HEATR5A: variants seen among roughly 807,000 people sequenced by gnomAD.
HEATR5A encodes the protein HEAT repeat containing 5A.
Under a neutral mutation model 218.8 loss-of-function variants are expected in HEATR5A, and 178 were observed. The ratio of observed to expected loss-of-function variants is 0.81; its 90% CI spans 0.72 to 0.92. The LOEUF (loss-of-function observed/expected upper bound fraction) is 0.92, where lower values mean the gene tolerates loss of function less well. Ranked by LOEUF, HEATR5A falls within the 40% of genes least tolerant of loss-of-function variation. HEATR5A has a pLI of 0.00. For missense variants in HEATR5A, 2,420 were observed against 2,418.9 expected, an observed-to-expected ratio of 1.00 and a Z score of -0.01; for synonymous variants, 864 against 871.6, an observed-to-expected ratio of 0.99 and a Z score of 0.15.
At chr14:31,372,462 T>C (rs1902072760) in intron 12 of HEATR5A, among the ~76,000 whole-genome samples, 1 of 152,142 alleles carries the variant, frequency 6.6e-6, no homozygotes, top group Non-Finnish European at 1.5e-5. Flanking sequence ...GATTATAGGA[T>C]TGAGACATGG....
At position 31,364,194 on chromosome 14, in the gene HEATR5A, T is replaced by C. The variant is rs571223425; in HGVS notation, c.2066A>G (p.Tyr689Cys). ...TTTTGGTCTAAGGCACATACCTTCATAGGTCTCAGGAGGTAATAAAATCAA... is the reference window on the plus strand; with the variant it reads ...TTTTGGTCTAAGGCACATACCTTCACAGGTCTCAGGAGGTAATAAAATCAA... The part of the protein sequence containing the change: ...ELLILLPPET[Y>C]EGNLCAILRE... The change falls in exon 14 of 36, where the codon TAT becomes TGT. Residue 689 changes from tyrosine to cysteine, a missense_variant. Tyr to Cys is a radical substitution (Grantham distance 194). Coordinates refer to ENST00000543095, the MANE Select transcript of HEATR5A (RefSeq NM_015473.4). The C allele has an allele frequency of 1.4e-5, 20 of 1,467,114 alleles. No homozygotes were observed. The highest frequency in any genetic ancestry group is 2.1e-5 in the Admixed American group (1 of 47,074). 90.9% of individuals were successfully genotyped at this position (1,467,114 alleles called of 1,614,324 possible). A position where few individuals can be genotyped will look rare whatever the true frequency, so the allele number is the denominator to read the frequency against.
rs141835198 is a variant in HEATR5A, at chr14:31,368,577, G to C, written c.1961+3233C>G. Among the ~76,000 whole-genome samples the C allele has an allele frequency of 9.9e-3, 1,505 of 152,224 alleles. 19 individuals are homozygous for C. Among genetic ancestry groups the C allele is most frequent in the African/African-American group, 0.034 (1,429 of 41,536 alleles). ...AACTGGGGTCTCACTCTGTCATCCA[G>C]GCTGGAGAGCAGTGGCGCAATCAAG... On this transcript the variant is annotated intron_variant, in intron 13 of 35. Transcript: ENST00000543095.
At chr14:31,363,921 A>T (rs995493166) in intron 14 of HEATR5A, among the ~76,000 whole-genome samples, 7 of 152,176 alleles carry the variant, frequency 4.6e-5, no homozygotes, top group Non-Finnish European at 1.0e-4. Context: ...GAAGTGAGCC[A>T]TGATTGCATA....
intron 1 of HEATR5A, among the ~76,000 whole-genome samples, chr14:31,408,685 C>T (rs959511749): frequency 1.3e-5 from 2 of 151,744 alleles, no homozygotes; most frequent in Non-Finnish European, 2.9e-5. Context: ...GCATAGTATT[C>T]TTTCCTTTCG....
At chr14:31,351,435 G>A (rs1044702883) in intron 16 of HEATR5A, among the ~76,000 whole-genome samples, 3 of 151,158 alleles carry the variant, frequency 2.0e-5, no homozygotes, top group Admixed American at 2.0e-4. Flanking sequence ...CAAGGTTACA[G>A]TGAGCTATGA....
At chr14:31,371,765 A>T in intron 13 of HEATR5A, 45 bp downstream of exon 13, 1 of 918,860 alleles carries the variant, frequency 1.1e-6, no homozygotes, top group Non-Finnish European at 1.6e-6. Flanking sequence ...AAGGAATATT[A>T]CATAATCAGA....
At position 31,341,676 on chromosome 14, in the gene HEATR5A, G is replaced by T. The variant is rs547312147; in HGVS notation, c.3228+2220C>A. ...GACCTCCCAAAGCGCTGGAACTACA[G>T]GTATGAGCCATTGTGCCCAGCTGAT... On this transcript the variant is annotated intron_variant, in intron 21 of 35. Transcript: ENST00000543095. Among the ~76,000 whole-genome samples, 10 of 152,216 alleles carry T rather than the reference G, an allele frequency of 6.6e-5. No individual in the cohort carries two copies. In the South Asian group the frequency reaches 2.1e-3, roughly 32 times the overall value.
At chr14:31,396,768 T>A (rs548870061) in intron 4 of HEATR5A, among the ~76,000 whole-genome samples, 1 of 152,252 alleles carries the variant, frequency 6.6e-6, no homozygotes, top group East Asian at 1.9e-4. Context: ...ATCAACTAAA[T>A]CAAAGATCAA....
chr14:31,405,059 C>CAAAAAAA (rs386381028), intron 1 of HEATR5A, among the ~76,000 whole-genome samples: 2 of 97,886 alleles, frequency 2.0e-5, no homozygotes, highest in Non-Finnish European at 1.9e-5. Context: ...CTGTCTCCAC[C>CAAAAAAA]AAAAAAAAAA....
rs759945817 is a variant in HEATR5A at position 31,295,868 on chromosome 14, A to G, written c.5619+41T>C. On this transcript the variant is annotated intron_variant, in intron 34 of 35. Coordinates refer to ENST00000543095, the MANE Select transcript of HEATR5A (RefSeq NM_015473.4). Reference sequence around the variant, plus strand: ...CAGAAAATTTTCTAAAGGCCTAGCCATTGTCCTATTACATACATCTTTCTG... The same window carrying G: ...CAGAAAATTTTCTAAAGGCCTAGCCGTTGTCCTATTACATACATCTTTCTG... 1.3e-5 allele frequency: 20 copies of G among 1,563,958 alleles called. No individual in the cohort carries two copies. In the South Asian group the frequency reaches 1.6e-4, roughly 13 times the overall value.
At chr14:31,355,043 A>G (rs551724817) in intron 16 of HEATR5A, among the ~76,000 whole-genome samples, 2 of 152,348 alleles carry the variant, frequency 1.3e-5, no homozygotes, top group South Asian at 4.1e-4. Context: ...TCCAATGTGC[A>G]AGTCAGGGGT....
intron 2 of HEATR5A, among the ~76,000 whole-genome samples, chr14:31,402,568 C>T (rs999570091): frequency 3.9e-5 from 6 of 152,112 alleles, no homozygotes; most frequent in Non-Finnish European, 7.4e-5. Context: ...ATAACAAAAA[C>T]GAAGTATAAT....
rs8017721 is a variant in HEATR5A at position 31,376,751 on chromosome 14, G to A, written c.1709-1783C>T. 1.8e-3 allele frequency among the ~76,000 whole-genome samples: 271 copies of A among 152,202 alleles called. 1 individual carries two copies. The highest frequency in any genetic ancestry group is 6.2e-3 in the African/African-American group (258 of 41,536). The stretch of plus-strand genomic sequence containing the variant: ...TGAAATAATGAAGAAAATTATAAAT[G>A]GTAAAGGGAATGAAAAAAACAGAGA... On this transcript the variant is annotated intron_variant, in intron 11 of 35. Coordinates refer to ENST00000543095, the MANE Select transcript of HEATR5A (RefSeq NM_015473.4).
At position 31,358,792 on chromosome 14, in the gene HEATR5A, A is replaced by G. The variant is rs548099019; in HGVS notation, c.2256T>C (p.Val752=). 4 of 1,613,912 alleles carry G rather than the reference A, an allele frequency of 2.5e-6. No individual in the cohort carries two copies. The South Asian group carries it at 4.4e-5, about 18-fold the overall frequency. ...IEEQLLLGNG[V]ACGSLEYDPY... is the part of the protein sequence containing the mutation. Reference sequence around the variant, plus strand: ...GGTCATATTCAAGACTTCCGCAAGCAACACCATTACCAAGCAGGAGCTAAA... The same window carrying G: ...GGTCATATTCAAGACTTCCGCAAGCGACACCATTACCAAGCAGGAGCTAAA... The change falls in exon 16 of 36, where the codon GTT becomes GTC. Residue 752 remains valine, a synonymous_variant. Transcript: ENST00000543095.
intron 21 of HEATR5A, among the ~76,000 whole-genome samples, chr14:31,339,625 C>G (rs183871377): frequency 2.6e-5 from 4 of 151,556 alleles, no homozygotes; most frequent in Admixed American, 1.3e-4. Context: ...GCTCTGTTAC[C>G]CAGGATAGAG....
At position 31,321,737 on chromosome 14, in the gene HEATR5A, G is replaced by A. The variant is rs1900115047; in HGVS notation, c.3788-57C>T. On this transcript the variant is annotated intron_variant, in intron 24 of 35. Coordinates refer to ENST00000543095, the MANE Select transcript of HEATR5A (RefSeq NM_015473.4). ...AAAGATTAGAAAATATCAAAAAAATGTGCTGGAACTAAGACTTACATTAAG... is the reference window on the plus strand; with the variant it reads ...AAAGATTAGAAAATATCAAAAAAATATGCTGGAACTAAGACTTACATTAAG... 3.1e-6 allele frequency: 4 copies of A among 1,309,144 alleles called. No individual in the cohort carries two copies. The East Asian group carries it at 7.6e-5, about 25-fold the overall frequency. The allele number at this position is 1,309,144 out of a possible 1,614,324, so 81.1% of individuals were successfully genotyped here. A position where few individuals can be genotyped will look rare whatever the true frequency, so the allele number is the denominator to read the frequency against.
rs1899097000 is a variant in HEATR5A at position 31,293,987 on chromosome 14, C to T, written c.5737G>A (p.Asp1913Asn). ...GCAGTGTTTTCAGGTTTTCTCTTGTCTATTTCCTGCAGTTTTTCCATGATA... is the reference window on the plus strand; with the variant it reads ...GCAGTGTTTTCAGGTTTTCTCTTGTTTATTTCCTGCAGTTTTTCCATGATA... ...SCIMEKLQEI[D>N]KRKPENTAEL... The change falls in exon 35 of 36, where the codon GAC becomes AAC. Residue 1913 changes from aspartate to asparagine, a missense_variant. Physicochemically the swap from Asp to Asn is conservative, Grantham distance 23 (BLOSUM62 1). Coordinates refer to ENST00000543095, the MANE Select transcript of HEATR5A (RefSeq NM_015473.4). The T allele has an allele frequency of 6.2e-7, 1 of 1,606,300 alleles. No individual in the cohort carries two copies. The highest frequency in any genetic ancestry group is 8.5e-7 in the Non-Finnish European group (1 of 1,176,120).
At chr14:31,305,265 T>A (rs1276999783) in intron 31 of HEATR5A, 88 bp from the exon 32 acceptor site, 2 of 1,377,844 alleles carry the variant, frequency 1.5e-6, no homozygotes, top group Non-Finnish European at 2.0e-6. Flanking sequence ...AGGAAATACA[T>A]GTATTTTATT....
chr14:31,397,502 AC>A (rs2030700710), intron 4 of HEATR5A, among the ~76,000 whole-genome samples: 1 of 152,024 alleles, frequency 6.6e-6, no homozygotes, highest in Non-Finnish European at 1.5e-5. Flanking sequence ...TACTAAAAAT[AC>A]AAAAAATTAG....
Sources: allele counts gnomAD v4.1 joint callset (sites outside exome capture counted in the v4.1 genomes callset), GRCh38; gene constraint gnomAD v4.1.1; transcripts MANE v1.5; gene names NCBI Gene and HGNC (gene_info 2026-07-23, HGNC 2026-07-21).